The following MLF1 variants were observed in gnomAD, a reference collection of about 807,000 sequenced individuals.
MLF1 encodes the protein myeloid leukemia factor 1.
Under a neutral mutation model 38.3 loss-of-function variants are expected in MLF1, and 37 were observed. That is an observed-to-expected ratio of 0.96 (90% CI 0.74 to 1.27). The LOEUF is 1.27. MLF1 is among the 50% of genes most tolerant of loss of function. MLF1 has a pLI of 0.00. For missense variants in MLF1, 331 were observed against 349.2 expected (o/e 0.95, Z 0.42); for synonymous variants, 95 against 106.5 (o/e 0.89, Z 0.66).
chr3:158,574,505 TAAAAA>T (rs758915813), intron 1 of MLF1, among the ~76,000 whole-genome samples: 35 of 91,386 alleles, frequency 3.8e-4, no homozygotes, highest in Admixed American at 1.0e-3. Context: ...CCATCTGTAC[TAAAAA>T]AAAAAAAAAA....
chr3:158,576,932 A>G (rs761447628), intron 1 of MLF1, among the ~76,000 whole-genome samples: 6 of 151,998 alleles, frequency 3.9e-5, no homozygotes, highest in Non-Finnish European at 2.9e-5. Flanking sequence ...TCAGCCTCCT[A>G]AAGTGCTGGG....
intron 6 of MLF1, 124 bp downstream of exon 6, chr3:158,600,297 C>G (rs1013148405): frequency 1.5e-5 from 7 of 456,578 alleles, no homozygotes; most frequent in African/African-American, 1.0e-4. Flanking sequence ...TAGAGAATAC[C>G]TTGTGAAAGT....
chr3:158,571,433 G>A, intron 1 of MLF1, 86 bp downstream of exon 1: 1 of 1,518,670 alleles, frequency 6.6e-7, no homozygotes, highest in East Asian at 2.3e-5. Context: ...GCGAGTTTTA[G>A]AGGGCGAGAG....
intron 1 of MLF1, among the ~76,000 whole-genome samples, chr3:158,591,715 G>A (rs556456251): frequency 7.9e-5 from 12 of 152,074 alleles, no homozygotes; most frequent in Non-Finnish European, 1.5e-4. Context: ...TGTCCAACTG[G>A]AACAAAGTTG....
At chr3:158,594,479 G>C (rs1415310785) in intron 3 of MLF1, among the ~76,000 whole-genome samples, 1 of 152,046 alleles carries the variant, frequency 6.6e-6, no homozygotes, top group Non-Finnish European at 1.5e-5. Context: ...CGTAGAAGGA[G>C]AGTAAACATC....
Position 158,602,904 on chromosome 3 carries a change from C to T in MLF1, c.711C>T (p.Gly237=). Residue 237 remains glycine (G), a synonymous_variant, in exon 7 of 8, where the codon GGC becomes GGT. Transcript: ENST00000466246. ...GAAACACTAGAATGAGAAGTGTTGG[C>T]CATGAGAATCCTGGCTCCCGAGAAC... is the stretch of plus-strand genomic sequence containing the variant. ...NLGNTRMRSV[G]HENPGSRELK... The T allele has an allele frequency of 1.2e-6, 2 of 1,613,300 alleles. No individual in the cohort carries two copies.
Position 158,593,417 on chromosome 3 carries a change from TG to T in MLF1, c.233del (p.Gly78ValfsTer20). 1 of 1,562,430 alleles carries T rather than the reference TG, an allele frequency of 6.4e-7. No individual in the cohort carries two copies. The highest frequency in any genetic ancestry group is 8.6e-7 in the Non-Finnish European group (1 of 1,160,340). On this transcript the variant is annotated frameshift_variant, in exon 3 of 8. Transcript: ENST00000466246. LOFTEE classifies it high-confidence loss of function. ...GTTCTCTTGTGCCTTTTGGCGATTT[TG>T]GTGGTATGGTTCGTATCTTAAGACA... ...SCSLVPFGDF[G>X]GMHTDVSSFQ...
At chr3:158,575,772 A>G (rs1485955609) in intron 1 of MLF1, among the ~76,000 whole-genome samples, 2 of 152,122 alleles carry the variant, frequency 1.3e-5, no homozygotes, top group African/African-American at 4.8e-5. Context: ...TGCTGAAAGT[A>G]ATTATCATTT....
chr3:158,587,867 G>A (rs1717473330), intron 1 of MLF1, among the ~76,000 whole-genome samples: 4 of 152,274 alleles, frequency 2.6e-5, no homozygotes, highest in Admixed American at 2.0e-4. Context: ...CGGGCCTGGC[G>A]GCGTGCGCCT....
chr3:158,591,686 T>A (rs1718175488), intron 1 of MLF1, among the ~76,000 whole-genome samples: 1 of 151,940 alleles, frequency 6.6e-6, no homozygotes, highest in Non-Finnish European at 1.5e-5. Context: ...AATAAGGAAT[T>A]GATTAGTGGG....
rs1720367820 is a variant in MLF1 at position 158,605,199 on chromosome 3, A to G, written c.849A>G (p.Lys283=). 2.5e-6 allele frequency: 4 copies of G among 1,608,850 alleles called. No individual in the cohort carries two copies. The highest frequency in any genetic ancestry group is 3.4e-6 in the Non-Finnish European group (4 of 1,176,120). Residue 283 remains lysine, a synonymous_variant, in exon 8 of 8, where the codon AAA becomes AAG. Coordinates refer to ENST00000466246, the MANE Select transcript of MLF1 (RefSeq NM_001369783.1). The part of the protein sequence containing the change: ...IKGSSVKSNK[K] ...GCTCATCTGTGAAAAGCAACAAAAAATAAATAGCCATGCATTTGATTTGTT... is the reference window on the plus strand; with the variant it reads ...GCTCATCTGTGAAAAGCAACAAAAAGTAAATAGCCATGCATTTGATTTGTT...
chr3:158,587,401 G>T (rs1325523726), intron 1 of MLF1, among the ~76,000 whole-genome samples: 1 of 152,150 alleles, frequency 6.6e-6, no homozygotes, highest in Non-Finnish European at 1.5e-5. Flanking sequence ...CAGCTCCAGG[G>T]CTTAGTCCTC....
intron 1 of MLF1, among the ~76,000 whole-genome samples, chr3:158,574,519 A>AC: frequency 2.7e-5 from 4 of 145,750 alleles, no homozygotes; most frequent in African/African-American, 1.1e-4. Flanking sequence ...AAAAAAAAAA[A>AC]AAAAAAAATA....
At chr3:158,599,323 A>G (rs1719387032) in intron 5 of MLF1, among the ~76,000 whole-genome samples, 1 of 152,126 alleles carries the variant, frequency 6.6e-6, no homozygotes, top group South Asian at 2.1e-4. Flanking sequence ...TTGGCTTCCA[A>G]AACTGTGGCT....
intron 1 of MLF1, among the ~76,000 whole-genome samples, chr3:158,579,608 T>C (rs1416905109): frequency 2.0e-5 from 3 of 152,208 alleles, no homozygotes; most frequent in Admixed American, 1.3e-4. Flanking sequence ...AGGCAAATTT[T>C]AAATGAGCCA....
chr3:158,576,028 TTAAG>T (rs1715368685), intron 1 of MLF1, among the ~76,000 whole-genome samples: 2 of 152,312 alleles, frequency 1.3e-5, no homozygotes, highest in Non-Finnish European at 2.9e-5. Flanking sequence ...CTTAAAATAT[TTAAG>T]TAAAAAGTAA....
rs1371614987 is a variant in MLF1 at position 158,605,824 on chromosome 3, GT to G, written c.*624del. 5.6e-6 allele frequency: 1 copy of G among 178,836 alleles called. No individual in the cohort carries two copies. The highest frequency in any genetic ancestry group is 1.2e-5 in the Non-Finnish European group (1 of 83,524). The allele number at this position is 178,836 out of a possible 1,614,324, so 11.1% of individuals were successfully genotyped here. Reference sequence around the variant, plus strand: ...ATTGCTAATGTACATGATTGTTTTGGTTATAATTTATTTATAGAATGTATCT... The same window carrying G: ...ATTGCTAATGTACATGATTGTTTTGGTATAATTTATTTATAGAATGTATCT... On this transcript the variant is annotated 3_prime_UTR_variant, in exon 8 of 8. Coordinates refer to ENST00000466246, the MANE Select transcript of MLF1 (RefSeq NM_001369783.1).
intron 1 of MLF1, among the ~76,000 whole-genome samples, chr3:158,577,334 G>GT (rs1715620620): frequency 6.6e-6 from 1 of 152,124 alleles, no homozygotes; most frequent in Admixed American, 6.6e-5. Flanking sequence ...AGTATTCAAG[G>GT]TTACTACTTA....
At position 158,600,337 on chromosome 3, in the gene MLF1, G is replaced by C. The variant is rs370502662; in HGVS notation, c.613+164G>C. ...GGATTGTGTTTTCATCCTTTCATAG[G>C]AGAGCTCTTTTTTATAGTGATTTTT... is the stretch of plus-strand genomic sequence containing the variant. On this transcript the variant is annotated intron_variant, in intron 6 of 7. Coordinates refer to ENST00000466246, the MANE Select transcript of MLF1 (RefSeq NM_001369783.1). Among the ~76,000 whole-genome samples, 9 of 151,870 alleles carry C rather than the reference G, an allele frequency of 5.9e-5. 1 individual carries two copies. Among genetic ancestry groups the C allele is most frequent in the East Asian group, 3.9e-4 (2 of 5,172 alleles).
Sources: allele counts gnomAD v4.1 joint callset (sites outside exome capture counted in the v4.1 genomes callset), GRCh38; gene constraint gnomAD v4.1.1; transcripts MANE v1.5; gene names NCBI Gene and HGNC (gene_info 2026-07-23, HGNC 2026-07-21).